Variants in NCBP1 observed in about 807,000 individuals in gnomAD.
NCBP1 encodes nuclear cap binding protein subunit 1.
Under a neutral mutation model 111.7 loss-of-function variants are expected in NCBP1, and 16 were observed. The ratio of observed to expected loss-of-function variants is 0.14; its 90% CI spans 0.10 to 0.22. NCBP1 has a LOEUF of 0.22. Ranked by LOEUF, NCBP1 falls within the 10% of genes least tolerant of loss-of-function variation. The pLI, the probability that NCBP1 is intolerant of heterozygous loss-of-function variation, is 1.00. For synonymous variants in NCBP1, 304 were observed against 314.3 expected (o/e 0.97, Z 0.35); for missense variants, 607 against 957.5 (o/e 0.63, Z 4.83).
intron 15 of NCBP1, among the ~76,000 whole-genome samples, chr9:97,660,630 T>C (rs1827806250): frequency 6.6e-6 from 1 of 152,186 alleles, no homozygotes; most frequent in Non-Finnish European, 1.5e-5. Context: ...AAAGACAGTT[T>C]AACTGTGTCC....
chr9:97,651,523 G>A (rs373360933), intron 10 of NCBP1, 150 bp downstream of exon 10: 8 of 726,870 alleles, frequency 1.1e-5, no homozygotes, highest in Non-Finnish European at 1.5e-5. Context: ...AATTGCTGTC[G>A]GTTTTGGTGC....
chr9:97,665,243 A>G (rs1165414207), intron 19 of NCBP1, among the ~76,000 whole-genome samples: 1 of 152,264 alleles, frequency 6.6e-6, no homozygotes, highest in Non-Finnish European at 1.5e-5. Context: ...TCATAAACAA[A>G]GACAACAGAA....
chr9:97,635,632 G>A (rs1826998723), intron 1 of NCBP1, among the ~76,000 whole-genome samples: 1 of 151,830 alleles, frequency 6.6e-6, no homozygotes. Context: ...ACGTTGCCCA[G>A]GCTGATCTTG....
At chr9:97,654,449 T>C (rs1827588029) in intron 11 of NCBP1, among the ~76,000 whole-genome samples, 1 of 152,126 alleles carries the variant, frequency 6.6e-6, no homozygotes, top group Non-Finnish European at 1.5e-5. Flanking sequence ...ATGGAAAAGC[T>C]TGTTTTATTG....
At position 97,666,750 on chromosome 9, in the gene NCBP1, A is replaced by G. The variant is rs1170932682; in HGVS notation, c.1902-13A>G. 5.9e-6 allele frequency: 9 copies of G among 1,533,804 alleles called. No homozygotes were observed. The highest frequency in any genetic ancestry group is 5.6e-5 in the African/African-American group (4 of 71,876). On this transcript the variant is annotated splice_polypyrimidine_tract_variant and intron_variant, in intron 19 of 22. Coordinates refer to ENST00000375147, the MANE Select transcript of NCBP1 (RefSeq NM_002486.5). ...GCTTGACATACAGTAACCAAATGCC[A>G]TATTTCTTTAAGATTGTTTGTTTGG... is the stretch of plus-strand genomic sequence containing the variant.
intron 15 of NCBP1, among the ~76,000 whole-genome samples, 157 bp from the exon 16 acceptor site, chr9:97,660,789 C>T (rs767617894): frequency 1.4e-4 from 21 of 152,110 alleles, no homozygotes; most frequent in Non-Finnish European, 2.2e-4. Context: ...CTTTCACATA[C>T]GGTATTTATA....
Position 97,648,084 on chromosome 9 carries a change from A to T in NCBP1, c.758A>T (p.Tyr253Phe), listed in dbSNP as rs1454896839. The T allele has an allele frequency of 6.2e-7, 1 of 1,614,054 alleles. No individual in the cohort carries two copies. The highest frequency in any genetic ancestry group is 8.5e-7 in the Non-Finnish European group (1 of 1,180,026). The change falls in exon 8 of 23, where the codon TAT (tyrosine) becomes TTT (phenylalanine). Residue 253 changes from tyrosine to phenylalanine, a missense_variant. Physicochemically the swap from Tyr to Phe is conservative, Grantham distance 22 (BLOSUM62 3). This residue lies in a region of NCBP1 where 53 missense variants were observed against 144.8 expected (regional missense o/e 0.37). Transcript: ENST00000375147. ...RWQERHILRPYLAFDSILCEA... is the reference protein window; with the variant it reads ...RWQERHILRPFLAFDSILCEA... Reference sequence around the variant, plus strand: ...CAGGAACGGCACATCCTAAGACCTTATCTTGCCTTTGACAGCATCCTGTGT... The same window carrying T: ...CAGGAACGGCACATCCTAAGACCTTTTCTTGCCTTTGACAGCATCCTGTGT...
In NCBP1 at chr9:97,651,383, C is replaced by G. The variant is rs1827494048; in HGVS notation, c.1059+10C>G. ...CTACCACATAGTTGAGGTATGAATT[C>G]CATGTGGAGCGTGTTTCTGAGTTTC... On this transcript the variant is annotated intron_variant, in intron 10 of 22. Transcript: ENST00000375147. The G allele has an allele frequency of 2.5e-6, 4 of 1,610,214 alleles. No homozygotes were observed. The East Asian group carries it at 8.9e-5, about 36-fold the overall frequency.
In NCBP1 at chr9:97,648,028, C is replaced by G; in HGVS notation, c.702C>G (p.Ala234=). Residue 234 remains alanine, a synonymous_variant, in exon 8 of 23, where the codon GCC becomes GCG. Transcript: ENST00000375147. ...PQEEYLDCLW[A]QIQKLKKDRW... The stretch of plus-strand genomic sequence containing the variant: ...TTTAGTATTTAGATTGCCTGTGGGC[C>G]CAGATTCAGAAATTGAAAAAGGATC... 6.2e-7 allele frequency: 1 copy of G among 1,613,322 alleles called. No individual in the cohort carries two copies.
chr9:97,648,335 TAAG>T, intron 8 of NCBP1, 112 bp downstream of exon 8: 1 of 922,694 alleles, frequency 1.1e-6, no homozygotes, highest in East Asian at 2.6e-5. Flanking sequence ...TGTTTTTATC[TAAG>T]AAGGTCAGTA....
At chr9:97,643,922 T>G (rs1375757148) in intron 4 of NCBP1, among the ~76,000 whole-genome samples, 1 of 152,148 alleles carries the variant, frequency 6.6e-6, no homozygotes, top group Non-Finnish European at 1.5e-5. Flanking sequence ...ACCAGACTGG[T>G]CTTTCTATAA....
rs763044049 is a variant in NCBP1 at position 97,667,394 on chromosome 9, T to C, written c.2016+517T>C. Among the ~76,000 whole-genome samples the C allele has an allele frequency of 3.7e-4, 57 of 152,308 alleles. 1 individual carries two copies. The highest frequency in any genetic ancestry group is 7.8e-4 in the Admixed American group (12 of 15,296). ...ATTATGAAAGTATTTTCCAGTGTTA[T>C]GCATATTTACCATAGTAGAAGGTGA... is the stretch of plus-strand genomic sequence containing the variant. On this transcript the variant is annotated intron_variant, in intron 20 of 22. Transcript: ENST00000375147.
chr9:97,652,315 C>T lies in NCBP1; in HGVS notation c.1059+942C>T, dbSNP rs1225661996. Among the ~76,000 whole-genome samples, 5 of 152,234 alleles carry T rather than the reference C, an allele frequency of 3.3e-5. No homozygotes were observed. The East Asian group carries it at 9.7e-4, about 29-fold the overall frequency. On this transcript the variant is annotated intron_variant, in intron 10 of 22. Coordinates refer to ENST00000375147, the MANE Select transcript of NCBP1 (RefSeq NM_002486.5). ...CTGTGCCCAGCCCACTGCATTATGT[C>T]TTTATATTAAAGTATTCATGGGCCA...
At chr9:97,665,901 T>C (rs1827988833) in intron 19 of NCBP1, among the ~76,000 whole-genome samples, 1 of 152,192 alleles carries the variant, frequency 6.6e-6, no homozygotes, top group African/African-American at 2.4e-5. Context: ...TATCCTGTAT[T>C]CTTACAATAA....
intron 14 of NCBP1, among the ~76,000 whole-genome samples, chr9:97,657,885 G>GCT (rs3052096): frequency 0.082 from 9,252 of 113,268 alleles, 607 homozygotes; most frequent in African/African-American, 0.094. Flanking sequence ...GCCCCGGTAA[G>GCT]CTCTCTCTCT....
intron 7 of NCBP1, 37 bp downstream of exon 7, chr9:97,647,598 T>G (rs2131340668): frequency 6.6e-7 from 1 of 1,506,888 alleles, no homozygotes; most frequent in Admixed American, 1.7e-5. Context: ...ACAAACACAG[T>G]CAGCTCTTGA....
intron 14 of NCBP1, among the ~76,000 whole-genome samples, chr9:97,657,958 T>C (rs1429958336): frequency 6.9e-6 from 1 of 145,468 alleles, no homozygotes; most frequent in African/African-American, 2.5e-5. Flanking sequence ...TCCCCAGCCA[T>C]TCATTGAGCA....
In NCBP1 at chr9:97,654,933, C is replaced by G. The variant is rs750263253; in HGVS notation, c.1224C>G (p.Thr408=). Residue 408 remains threonine (T), a synonymous_variant, in exon 12 of 23, where the codon ACC becomes ACG. Transcript: ENST00000375147. ...TGCGTTTGGACACAATGAACACTAC[C>G]TGTGTAGACAGGTACAGTAATCGCT... ...LYMRLDTMNT[T]CVDRFINWFS... The G allele has an allele frequency of 1.2e-6, 2 of 1,607,770 alleles. No homozygotes were observed. Among genetic ancestry groups the G allele is most frequent in the African/African-American group, 2.7e-5 (2 of 74,382 alleles).
rs755834315 is a variant in NCBP1 at position 97,664,326 on chromosome 9, T to TTC, written c.1798-9_1798-8dup. On this transcript the variant is annotated splice_polypyrimidine_tract_variant and intron_variant, in intron 18 of 22. Coordinates refer to ENST00000375147, the MANE Select transcript of NCBP1 (RefSeq NM_002486.5). The stretch of plus-strand genomic sequence containing the variant: ...GTGTGTGTGTGATTTACTTGAATAA[T>TTC]TCTCTCATTGTAGATGATTGCTGTA... 2.0e-6 allele frequency: 3 copies of TTC among 1,529,142 alleles called. No individual in the cohort carries two copies. The highest frequency in any genetic ancestry group is 1.4e-5 in the African/African-American group (1 of 73,268). 94.7% of individuals were successfully genotyped at this position (1,529,142 alleles called of 1,614,324 possible).
Sources: gnomAD v4.1 joint callset for allele counts (sites outside exome capture counted in the v4.1 genomes callset) on GRCh38, gnomAD v4.1.1 for gene constraint, gnomAD v4.1.1 regional missense constraint, MANE v1.5 for transcripts, NCBI Gene and HGNC (gene_info 2026-07-23, HGNC 2026-07-21) for gene names.